Variants in TNPO3 observed in about 807,000 individuals in gnomAD.
TNPO3 encodes the protein transportin-3.
Under a neutral mutation model 122.8 loss-of-function variants are expected in TNPO3, and 65 were observed. The ratio of observed to expected loss-of-function variants is 0.53; its 90% CI spans 0.43 to 0.65. The LOEUF is 0.65. TNPO3 is among the 30% of genes least tolerant of loss of function. The pLI, the probability that TNPO3 is intolerant of heterozygous loss-of-function variation, is 0.00. For missense variants in TNPO3, 850 were observed against 1,136.7 expected (o/e 0.75, Z 3.63); for synonymous variants, 372 against 411.2 (o/e 0.90, Z 1.15).
chr7:129,027,323 G>A (rs948755815), intron 1 of TNPO3, among the ~76,000 whole-genome samples: 2 of 151,820 alleles, frequency 1.3e-5, no homozygotes, highest in African/African-American at 4.8e-5. Flanking sequence ...CACTTTGGGA[G>A]GCCGAGGCGG....
chr7:129,017,154 A>G, intron 2 of TNPO3, 98 bp from the exon 3 acceptor site: 3 of 1,163,008 alleles, frequency 2.6e-6, no homozygotes, highest in Non-Finnish European at 3.8e-6. Context: ...TCCAAACAAT[A>G]TGACAACTAA....
intron 21 of TNPO3, among the ~76,000 whole-genome samples, chr7:128,965,251 C>A (rs536903247): frequency 1.3e-5 from 2 of 152,214 alleles, no homozygotes; most frequent in African/African-American, 4.8e-5. Flanking sequence ...AAAAGAAACC[C>A]AATTTTTAAA....
chr7:129,051,964 T>C (rs1332213233), intron 1 of TNPO3, among the ~76,000 whole-genome samples: 2 of 152,122 alleles, frequency 1.3e-5, no homozygotes, highest in Non-Finnish European at 2.9e-5. Flanking sequence ...GGCTTTTTAG[T>C]AAAGACAAGA....
intron 1 of TNPO3, among the ~76,000 whole-genome samples, chr7:129,025,074 C>T (rs73463086): frequency 2.2e-4 from 33 of 150,388 alleles, no homozygotes; most frequent in South Asian, 8.5e-4. Flanking sequence ...ACAGGCCGGG[C>T]GCAGTGGCTC....
intron 1 of TNPO3, among the ~76,000 whole-genome samples, chr7:129,046,907 A>G (rs1024038434): frequency 6.6e-6 from 1 of 152,158 alleles, no homozygotes; most frequent in Non-Finnish European, 1.5e-5. Context: ...ATCATGATTC[A>G]ATTACCTCTA....
chr7:128,962,391 A>G (rs988125723), intron 21 of TNPO3, among the ~76,000 whole-genome samples: 4 of 146,100 alleles, frequency 2.7e-5, no homozygotes, highest in Admixed American at 1.4e-4. Flanking sequence ...AAAAAAAAAA[A>G]GCTAGGGAAT....
chr7:129,014,774 T>G (rs1803640896), intron 4 of TNPO3, among the ~76,000 whole-genome samples: 1 of 152,200 alleles, frequency 6.6e-6, no homozygotes, highest in Non-Finnish European at 1.5e-5. Context: ...ATAAAAGAGA[T>G]AACGTCACCT....
intron 20 of TNPO3, 122 bp from the exon 21 acceptor site, chr7:128,967,514 A>G: frequency 1.6e-6 from 1 of 629,244 alleles, no homozygotes; most frequent in Non-Finnish European, 2.8e-6. Flanking sequence ...TACACTTGGG[A>G]GCAAGTAAAG....
At chr7:128,968,779 T>C (rs556469778) in intron 20 of TNPO3, among the ~76,000 whole-genome samples, 8 of 152,194 alleles carry the variant, frequency 5.3e-5, no homozygotes, top group African/African-American at 1.9e-4. Context: ...GGCATGATCA[T>C]AGCTCACTGC....
intron 3 of TNPO3, among the ~76,000 whole-genome samples, chr7:129,016,265 A>G (rs562012375): frequency 6.6e-6 from 1 of 152,058 alleles, no homozygotes; most frequent in Non-Finnish European, 1.5e-5. Flanking sequence ...GTAGTAGCAC[A>G]TGCCTGTAAT....
intron 10 of TNPO3, among the ~76,000 whole-genome samples, chr7:128,990,872 C>T (rs986611020): frequency 6.6e-6 from 1 of 152,104 alleles, no homozygotes; most frequent in African/African-American, 2.4e-5. Context: ...TAAATAATAT[C>T]CTGGATTACA....
chr7:129,027,259 T>C (rs1211514443), intron 1 of TNPO3, among the ~76,000 whole-genome samples: 1 of 152,056 alleles, frequency 6.6e-6, no homozygotes, highest in African/African-American at 2.4e-5. Context: ...ATTCATAAAC[T>C]ACCAGAAAAG....
chr7:128,994,502 G>T (rs767947626), intron 8 of TNPO3, among the ~76,000 whole-genome samples: 2 of 152,064 alleles, frequency 1.3e-5, no homozygotes, highest in Non-Finnish European at 2.9e-5. Flanking sequence ...GAAAAATGTG[G>T]CTTGGGGAGA....
chr7:129,036,508 A>C (rs1364945102), intron 1 of TNPO3, among the ~76,000 whole-genome samples: 1 of 152,246 alleles, frequency 6.6e-6, no homozygotes, highest in African/African-American at 2.4e-5. Context: ...AATTTTAGAA[A>C]GCTTGAAATC....
intron 1 of TNPO3, among the ~76,000 whole-genome samples, chr7:129,035,621 A>G (rs917760455): frequency 6.6e-6 from 1 of 151,878 alleles, no homozygotes; most frequent in African/African-American, 2.4e-5. Flanking sequence ...GTCGGGGGGA[A>G]AAAAAAAGCA....
At chr7:129,005,506 A>G (rs1802474583) in intron 4 of TNPO3, among the ~76,000 whole-genome samples, 1 of 152,086 alleles carries the variant, frequency 6.6e-6, no homozygotes, top group Non-Finnish European at 1.5e-5. Context: ...TTCTGGTGGG[A>G]GGTGACTGAA....
chr7:128,989,892 G>GT, intron 11 of TNPO3, 69 bp downstream of exon 11: 1 of 1,558,688 alleles, frequency 6.4e-7, no homozygotes, highest in Non-Finnish European at 8.8e-7. Flanking sequence ...ACATGCAAAA[G>GT]TAAGAGATGA....
At chr7:129,044,878 G>A (rs983905631) in intron 1 of TNPO3, among the ~76,000 whole-genome samples, 1 of 152,172 alleles carries the variant, frequency 6.6e-6, no homozygotes, top group Non-Finnish European at 1.5e-5. Flanking sequence ...CTAAAGAATT[G>A]AAAGCAGGTA....
In TNPO3 at chr7:129,021,680, TA is replaced by T. The variant is rs553683399; in HGVS notation, c.121-3524del. On this transcript the variant is annotated intron_variant, in intron 1 of 22. Transcript: ENST00000265388. ...TGGCTGAAAGAGAAAATAAGCAGAGTAATACCTTACGAGGAAAGAAGACCAG... is the reference window on the plus strand; with the variant it reads ...TGGCTGAAAGAGAAAATAAGCAGAGTATACCTTACGAGGAAAGAAGACCAG... Among the ~76,000 whole-genome samples the T allele has an allele frequency of 1.3e-4, 19 of 151,206 alleles. No individual in the cohort carries two copies. In the South Asian group the frequency reaches 4.0e-3, roughly 32 times the overall value.
Sources: allele counts gnomAD v4.1 joint callset (sites outside exome capture counted in the v4.1 genomes callset), GRCh38; gene constraint gnomAD v4.1.1; transcripts MANE v1.5; gene names NCBI Gene and HGNC (gene_info 2026-07-23, HGNC 2026-07-21).